The following AQP3 variants were observed in gnomAD, a reference collection of about 807,000 sequenced individuals.
AQP3 encodes the protein aquaporin 3 (Gill blood group).
Under a neutral mutation model 30.3 loss-of-function variants are expected in AQP3, and 15 were observed. The ratio of observed to expected loss-of-function variants is 0.49; its 90% CI spans 0.33 to 0.76. The LOEUF is 0.76. Ranked by LOEUF, AQP3 falls within the 30% of genes least tolerant of loss-of-function variation. The pLI is 0.02. For missense variants in AQP3, 272 were observed against 384.8 expected (o/e 0.71, Z 2.45); for synonymous variants, 153 against 163.2 (o/e 0.94, Z 0.47).
rs1410409429 is a variant in AQP3, at chr9:33,442,184, G to A, written c.738C>T (p.Pro246=). The change falls in exon 6 of 6, where the codon CCC becomes CCT. Residue 246 remains proline, a synonymous_variant. Coordinates refer to ENST00000297991, the MANE Select transcript of AQP3 (RefSeq NM_004925.5). ...FTTGQHWWWV[P]IVSPLLGSIA... ...TGGAGCCCAGGAGTGGGGACACGATGGGCACCCACCACCAATGCTGGCCGG... is the reference window on the plus strand; with the variant it reads ...TGGAGCCCAGGAGTGGGGACACGATAGGCACCCACCACCAATGCTGGCCGG... The A allele has an allele frequency of 2.5e-6, 4 of 1,612,894 alleles. No homozygotes were observed. The South Asian group carries it at 3.3e-5, about 13-fold the overall frequency.
At position 33,442,154 on chromosome 9, in the gene AQP3, C is replaced by T. The variant is rs1321484232; in HGVS notation, c.768G>A (p.Ala256=). 1.2e-5 allele frequency: 19 copies of T among 1,613,268 alleles called. No homozygotes were observed. Among genetic ancestry groups the T allele is most frequent in the African/African-American group, 2.7e-5 (2 of 74,896 alleles). ...TCATCAGCTGGTACACGAAGACACCCGCAATGGAGCCCAGGAGTGGGGACA... is the reference window on the plus strand; with the variant it reads ...TCATCAGCTGGTACACGAAGACACCTGCAATGGAGCCCAGGAGTGGGGACA... ...PIVSPLLGSI[A]GVFVYQLMIG... The change falls in exon 6 of 6, where the codon GCG becomes GCA. Residue 256 remains alanine, a synonymous_variant. Coordinates refer to ENST00000297991, the MANE Select transcript of AQP3 (RefSeq NM_004925.5).
chr9:33,447,515 C>T lies in AQP3; in HGVS notation c.16G>A (p.Glu6Lys). The T allele has an allele frequency of 4.4e-6, 7 of 1,607,404 alleles. No individual in the cohort carries two copies. The highest frequency in any genetic ancestry group is 5.9e-6 in the Non-Finnish European group (7 of 1,177,230). Residue 6 changes from glutamate (E) to lysine (K), a missense_variant, in exon 1 of 6, where the codon GAG (glutamate) becomes AAG (lysine). Glu to Lys is a moderately conservative substitution (Grantham distance 56, BLOSUM62 1). This residue lies in a region of AQP3 where 51 missense variants were observed against 46.5 expected (regional missense o/e 1.10). Coordinates refer to ENST00000297991, the MANE Select transcript of AQP3 (RefSeq NM_004925.5). ...ATCTCCCCGCAGCGGGACACCAGCT[C>T]CTTCTGTCGACCCATGGCGGGGCAG... Reference protein sequence around the residue: MGRQKELVSRCGEMLH... With the variant: MGRQKKLVSRCGEMLH...
At position 33,443,608 on chromosome 9, in the gene AQP3, T is replaced by C; in HGVS notation, c.236-150A>G. ...CAGCTGATAATCTCTGATTCCAAGG[T>C]GAGAGTCGAAAGTTCTAAGTGTCAA... On this transcript the variant is annotated intron_variant, in intron 2 of 5. Transcript: ENST00000297991. This position sits in a 1 kb window ranked among gnomAD's most constrained non-coding sequence, Gnocchi z 5.0. The C allele has an allele frequency of 6.9e-7, 1 of 1,457,574 alleles. No homozygotes were observed. Among genetic ancestry groups the C allele is most frequent in the Non-Finnish European group, 9.4e-7 (1 of 1,065,238 alleles). 90.3% of individuals were successfully genotyped at this position (1,457,574 alleles called of 1,614,324 possible).
chr9:33,442,154 C>G lies in AQP3; in HGVS notation c.768G>C (p.Ala256=). ...PIVSPLLGSI[A]GVFVYQLMIG... is the part of the protein sequence containing the mutation. ...TCATCAGCTGGTACACGAAGACACC[C>G]GCAATGGAGCCCAGGAGTGGGGACA... is the stretch of plus-strand genomic sequence containing the variant. The change falls in exon 6 of 6, where the codon GCG becomes GCC. Residue 256 remains alanine (A), a synonymous_variant. Coordinates refer to ENST00000297991, the MANE Select transcript of AQP3 (RefSeq NM_004925.5). The G allele has an allele frequency of 6.2e-7, 1 of 1,613,384 alleles. No homozygotes were observed. Among genetic ancestry groups the G allele is most frequent in the Non-Finnish European group, 8.5e-7 (1 of 1,180,038 alleles).
At position 33,442,462 on chromosome 9, in the gene AQP3, G is replaced by A; in HGVS notation, c.549C>T (p.Asn183=). ...CCTCCAGGCCTCGGGGGACGGGGTT[G>A]TTGTAGGGGTCAACAATGGCCAGCA... ...VCVLAIVDPY[N]NPVPRGLEAF... Residue 183 remains asparagine (N), a synonymous_variant, in exon 5 of 6, where the codon AAC becomes AAT. Transcript: ENST00000297991. The A allele has an allele frequency of 6.2e-7, 1 of 1,611,588 alleles. No homozygotes were observed.
chr9:33,443,897 C>A lies in AQP3; in HGVS notation c.109-5G>T. 6.2e-7 allele frequency: 1 copy of A among 1,613,182 alleles called. No homozygotes were observed. Among genetic ancestry groups the A allele is most frequent in the South Asian group, 1.1e-5 (1 of 90,972 alleles). On this transcript the variant is annotated splice_polypyrimidine_tract_variant and splice_region_variant and intron_variant, in intron 1 of 5. Coordinates refer to ENST00000297991, the MANE Select transcript of AQP3 (RefSeq NM_004925.5). This position sits in a 1 kb window ranked among gnomAD's most constrained non-coding sequence, Gnocchi z 5.0. Reference sequence around the variant, plus strand: ...CACGGAGCCACAGCCAAACATCTGTCAGGAAGAAGAACAGGCAGGGAGGGT... The same window carrying A: ...CACGGAGCCACAGCCAAACATCTGTAAGGAAGAAGAACAGGCAGGGAGGGT...
Position 33,442,893 on chromosome 9 carries a change from G to C in AQP3, c.451C>G (p.Pro151Ala), listed in dbSNP as rs1826859780. 3 of 1,614,232 alleles carry C rather than the reference G, an allele frequency of 1.9e-6. No individual in the cohort carries two copies. Among genetic ancestry groups the C allele is most frequent in the Non-Finnish European group, 2.5e-6 (3 of 1,180,040 alleles). The change falls in exon 4 of 6, where the codon CCC becomes GCC. Residue 151 changes from proline to alanine, a missense_variant. Physicochemically the swap from Pro to Ala is conservative, Grantham distance 27 (BLOSUM62 -1). This residue lies in a region of AQP3 where 170 missense variants were observed against 286.4 expected (regional missense o/e 0.59). Transcript: ENST00000297991. The part of the protein sequence containing the change: ...NGTAGIFATY[P>A]SGHLDMINGF... Reference sequence around the variant, plus strand: ...TTGATCATATCCAAGTGTCCAGAGGGGTAGGTAGCAAAGATGCCGGCTGTG... The same window carrying C: ...TTGATCATATCCAAGTGTCCAGAGGCGTAGGTAGCAAAGATGCCGGCTGTG...
At position 33,447,558 on chromosome 9, in the gene AQP3, C is replaced by A. The variant is rs773962292; in HGVS notation, c.-28G>T. ...CGGGGCAGGCGGCGGCGCTGTCGGG[C>A]GGGCAGGGGTGGCGGGAGGCGGTGG... On this transcript the variant is annotated 5_prime_UTR_variant, in exon 1 of 6. Transcript: ENST00000297991. 2 of 1,549,820 alleles carry A rather than the reference C, an allele frequency of 1.3e-6. No homozygotes were observed. The highest frequency in any genetic ancestry group is 8.8e-7 in the Non-Finnish European group (1 of 1,139,290).
rs1563866109 is a variant in AQP3 at position 33,442,045 on chromosome 9, A to C, written c.877T>G (p.Ter293GlyextTer14). 1 of 1,613,388 alleles carries C rather than the reference A, an allele frequency of 6.2e-7. No homozygotes were observed. Among genetic ancestry groups the C allele is most frequent in the Admixed American group, 1.7e-5 (1 of 59,976 alleles). ...GTGGGGAGATGGCCCCTGCCCACTC[A>C]GATCTGCTCCTTGTGCTTCACATGG... ...LAHVKHKEQI[*>G] The change falls in exon 6 of 6, where the codon TGA becomes GGA. Residue 293 changes from the stop codon to glycine, a stop_lost. Transcript: ENST00000297991.
chr9:33,444,907 C>T (rs568818329), intron 1 of AQP3, among the ~76,000 whole-genome samples: 9 of 152,204 alleles, frequency 5.9e-5, no homozygotes, highest in South Asian at 2.1e-4. Flanking sequence ...ATCCCCAGCC[C>T]GGGACCCAGG....
Position 33,443,689 on chromosome 9 carries a change from C to CTGCCCTTAGGAA in AQP3, c.235+65_235+76dup, listed in dbSNP as rs762406625. The CTGCCCTTAGGAA allele has an allele frequency of 1.2e-6, 2 of 1,604,704 alleles. No homozygotes were observed. The highest frequency in any genetic ancestry group is 2.2e-5 in the South Asian group (2 of 90,060). On this transcript the variant is annotated intron_variant, in intron 2 of 5. Coordinates refer to ENST00000297991, the MANE Select transcript of AQP3 (RefSeq NM_004925.5). The surrounding 1 kb of genome is among the most constrained non-coding windows in gnomAD (Gnocchi z 5.0). Reference sequence around the variant, plus strand: ...CCAAAGCAGAGGCCACAGCTGTGACCTGCCCTTAGGAATGCCAGGACACCT... The same window carrying CTGCCCTTAGGAA: ...CCAAAGCAGAGGCCACAGCTGTGACCTGCCCTTAGGAATGCCCTTAGGAATGCCAGGACACCT...
chr9:33,446,403 G>GC (rs1170463241), intron 1 of AQP3, among the ~76,000 whole-genome samples: 5 of 152,188 alleles, frequency 3.3e-5, no homozygotes, highest in African/African-American at 1.2e-4. Context: ...CTAGTCCACA[G>GC]TGGGCCAGCT....
chr9:33,441,544 A>G lies in AQP3; in HGVS notation c.*499T>C, dbSNP rs1826831020. The G allele has an allele frequency of 5.4e-6, 1 of 185,082 alleles. No individual in the cohort carries two copies. Among genetic ancestry groups the G allele is most frequent in the Non-Finnish European group, 1.1e-5 (1 of 89,352 alleles). The allele number at this position is 185,082 out of a possible 1,614,324, so 11.5% of individuals were successfully genotyped here. The stretch of plus-strand genomic sequence containing the variant: ...CAGACATACACATACACAGAAACAC[A>G]TATCTATCTGCAGCTCCTCCATGTG... On this transcript the variant is annotated 3_prime_UTR_variant, in exon 6 of 6. Coordinates refer to ENST00000297991, the MANE Select transcript of AQP3 (RefSeq NM_004925.5).
chr9:33,442,431 T>C lies in AQP3; in HGVS notation c.580A>G (p.Thr194Ala). The C allele has an allele frequency of 6.2e-7, 1 of 1,612,076 alleles. No homozygotes were observed. Residue 194 changes from threonine (T) to alanine (A), a missense_variant, in exon 5 of 6, where the codon ACC (threonine) becomes GCC (alanine). Thr to Ala is a moderately conservative substitution (Grantham distance 58, BLOSUM62 0). Around this residue, in one of 3 missense-constraint regions of AQP3, gnomAD observed 170 missense variants for 286.4 expected, o/e 0.59. Coordinates refer to ENST00000297991, the MANE Select transcript of AQP3 (RefSeq NM_004925.5). ...ATGACCAGGACCACCAGGCCCACGGTGAAGGCCTCCAGGCCTCGGGGGACG... is the reference window on the plus strand; with the variant it reads ...ATGACCAGGACCACCAGGCCCACGGCGAAGGCCTCCAGGCCTCGGGGGACG... ...NPVPRGLEAFTVGLVVLVIGT... is the reference protein window; with the variant it reads ...NPVPRGLEAFAVGLVVLVIGT...
In AQP3 at chr9:33,443,464, C is replaced by A. The variant is rs775667363; in HGVS notation, c.236-6G>T. 1 of 1,611,360 alleles carries A rather than the reference C, an allele frequency of 6.2e-7. No homozygotes were observed. Among genetic ancestry groups the A allele is most frequent in the African/African-American group, 1.3e-5 (1 of 74,874 alleles). ...GGCAGGGTTCAGGTGGGCCCCTGGG[C>A]AGAGGGGACAAGGGACCTATTAGCT... On this transcript the variant is annotated splice_region_variant and splice_polypyrimidine_tract_variant and intron_variant, in intron 2 of 5. Transcript: ENST00000297991. This position sits in a 1 kb window ranked among gnomAD's most constrained non-coding sequence, Gnocchi z 5.0.
Position 33,442,449 on chromosome 9 carries a change from G to T in AQP3, c.562C>A (p.Arg188=). The change falls in exon 5 of 6, where the codon CGA becomes AGA. Residue 188 remains arginine (R), a synonymous_variant. Coordinates refer to ENST00000297991, the MANE Select transcript of AQP3 (RefSeq NM_004925.5). The part of the protein sequence containing the change: ...IVDPYNNPVP[R]GLEAFTVGLV... ...CCCACGGTGAAGGCCTCCAGGCCTC[G>T]GGGGACGGGGTTGTTGTAGGGGTCA... 6.2e-7 allele frequency: 1 copy of T among 1,611,754 alleles called. No homozygotes were observed. Among genetic ancestry groups the T allele is most frequent in the Non-Finnish European group, 8.5e-7 (1 of 1,179,368 alleles).
chr9:33,442,180 C>T lies in AQP3; in HGVS notation c.742G>A (p.Val248Met), dbSNP rs1010085722. The T allele has an allele frequency of 8.7e-6, 14 of 1,612,774 alleles. No individual in the cohort carries two copies. Among genetic ancestry groups the T allele is most frequent in the Non-Finnish European group, 4.2e-6 (5 of 1,179,842 alleles). The change falls in exon 6 of 6, where the codon GTG becomes ATG. Residue 248 changes from valine to methionine, a missense_variant. Coordinates refer to ENST00000297991, the MANE Select transcript of AQP3 (RefSeq NM_004925.5). ...GCAATGGAGCCCAGGAGTGGGGACACGATGGGCACCCACCACCAATGCTGG... is the reference window on the plus strand; with the variant it reads ...GCAATGGAGCCCAGGAGTGGGGACATGATGGGCACCCACCACCAATGCTGG... ...TGQHWWWVPI[V>M]SPLLGSIAGV... is the part of the protein sequence containing the mutation.
chr9:33,443,999 G>C lies in AQP3; in HGVS notation c.109-107C>G, dbSNP rs990750491. The C allele has an allele frequency of 4.9e-6, 7 of 1,442,760 alleles. No homozygotes were observed. In the South Asian group the frequency reaches 9.3e-5, roughly 19 times the overall value. 89.4% of individuals were successfully genotyped at this position (1,442,760 alleles called of 1,614,324 possible). A position where few individuals can be genotyped will look rare whatever the true frequency, so the allele number is the denominator to read the frequency against. ...CCACTCGCCACCACTGGGAGGACTA[G>C]AGGCGCTTCCTGGAACCCAGCCCAA... is the stretch of plus-strand genomic sequence containing the variant. On this transcript the variant is annotated intron_variant, in intron 1 of 5. Coordinates refer to ENST00000297991, the MANE Select transcript of AQP3 (RefSeq NM_004925.5). This position sits in a 1 kb window ranked among gnomAD's most constrained non-coding sequence, Gnocchi z 5.0.
chr9:33,442,618 C>T (rs556787973), intron 4 of AQP3, 100 bp from the exon 5 acceptor site: 20 of 1,291,956 alleles, frequency 1.5e-5, no homozygotes, highest in Middle Eastern at 2.2e-4. Flanking sequence ...CTCTTGTCAG[C>T]GCCCGCCCAT....
Sources: gnomAD v4.1 joint callset for allele counts (sites outside exome capture counted in the v4.1 genomes callset) on GRCh38, gnomAD v4.1.1 for gene constraint, gnomAD v4.1.1 regional missense constraint, Gnocchi (gnomAD v3.1) non-coding constraint, MANE v1.5 for transcripts, NCBI Gene and HGNC (gene_info 2026-07-23, HGNC 2026-07-21) for gene names.